Variants in CAMTA1 observed in about 807,000 individuals in gnomAD.
CAMTA1 encodes calmodulin-binding transcription activator 1.
In CAMTA1, 27 loss-of-function variants were observed where a neutral mutation model predicts 170.9. The ratio of observed to expected loss-of-function variants is 0.16; its 90% CI spans 0.12 to 0.22. CAMTA1 has a LOEUF of 0.22. CAMTA1 is among the 10% of genes least tolerant of loss of function. The pLI, the probability that CAMTA1 is intolerant of heterozygous loss-of-function variation, is 1.00. For synonymous variants in CAMTA1, 833 were observed against 891.5 expected, an observed-to-expected ratio of 0.93 and a Z score of 1.17; for missense variants, 1,619 against 2,217.2, an observed-to-expected ratio of 0.73 and a Z score of 5.42.
At chr1:6,838,383 T>A (rs909876269) in intron 3 of CAMTA1, among the ~76,000 whole-genome samples, 1 of 152,140 alleles carries the variant, frequency 6.6e-6, no homozygotes, top group Non-Finnish European at 1.5e-5. Context: ...GGGAATTCAC[T>A]CCTGTCTAAG....
At chr1:7,324,312 C>G (rs1177914713) in intron 5 of CAMTA1, among the ~76,000 whole-genome samples, 2 of 152,070 alleles carry the variant, frequency 1.3e-5, no homozygotes, top group African/African-American at 2.4e-5. Context: ...TTTGATCTCT[C>G]TCTTTCCATT....
At chr1:7,336,365 T>C (rs2083384697) in intron 5 of CAMTA1, among the ~76,000 whole-genome samples, 1 of 152,206 alleles carries the variant, frequency 6.6e-6, no homozygotes, top group African/African-American at 2.4e-5. Context: ...GATTCCTGGC[T>C]TGGAGGAGTC....
chr1:7,508,877 C>G (rs1270891300), intron 6 of CAMTA1, among the ~76,000 whole-genome samples: 2 of 152,222 alleles, frequency 1.3e-5, no homozygotes, highest in Non-Finnish European at 2.9e-5. Flanking sequence ...CAAACCTTCT[C>G]CCCCTCTTGA....
chr1:7,228,968 A>G (rs1056924212), intron 4 of CAMTA1, among the ~76,000 whole-genome samples: 4 of 152,138 alleles, frequency 2.6e-5, no homozygotes, highest in Non-Finnish European at 5.9e-5. Flanking sequence ...GGCTGAGCCC[A>G]GGGGGAGGGC....
In CAMTA1 at chr1:6,976,866, C is replaced by T. The variant is rs369384338; in HGVS notation, c.235-114438C>T. ...GTGGGAGGTAATAGAACCATGGGGA[C>T]GGGTCTTTCCCATGCTGTTCTCGTG... On this transcript the variant is annotated intron_variant, in intron 3 of 22. Coordinates refer to ENST00000303635, the MANE Select transcript of CAMTA1 (RefSeq NM_015215.4). Among the ~76,000 whole-genome samples the T allele has an allele frequency of 2.8e-4, 42 of 152,208 alleles. No individual in the cohort carries two copies. The South Asian group carries it at 5.8e-3, about 21-fold the overall frequency.
intron 5 of CAMTA1, among the ~76,000 whole-genome samples, chr1:7,411,301 C>T (rs188135523): frequency 2.0e-5 from 3 of 152,252 alleles, no homozygotes; most frequent in African/African-American, 7.2e-5. Context: ...CAGTTCTAGT[C>T]CCCGACTGAC....
rs1234640786 is a variant in CAMTA1 at position 7,041,488 on chromosome 1, G to A, written c.235-49816G>A. On this transcript the variant is annotated intron_variant, in intron 3 of 22. Coordinates refer to ENST00000303635, the MANE Select transcript of CAMTA1 (RefSeq NM_015215.4). This position sits in a 1 kb window ranked among gnomAD's most constrained non-coding sequence, Gnocchi z 5.1. ...TTAAGCTAGATTTATATCTGATTTT[G>A]CATTGAACTGTGTCGTTATGTGGGG... Among the ~76,000 whole-genome samples the A allele has an allele frequency of 1.3e-5, 2 of 152,222 alleles. No homozygotes were observed. The highest frequency in any genetic ancestry group is 6.5e-5 in the Admixed American group (1 of 15,284).
intron 5 of CAMTA1, among the ~76,000 whole-genome samples, chr1:7,261,244 G>A (rs921059192): frequency 9.9e-5 from 15 of 152,126 alleles, no homozygotes; most frequent in African/African-American, 3.4e-4. Context: ...TCGAGGATGC[G>A]TTTTTATTCC....
chr1:7,313,579 G>T (rs377123445), intron 5 of CAMTA1, among the ~76,000 whole-genome samples: 4 of 152,246 alleles, frequency 2.6e-5, no homozygotes, highest in African/African-American at 7.2e-5. Flanking sequence ...ATCAAACCTA[G>T]AATTGGTATT....
chr1:7,058,703 C>T (rs1360905200), intron 3 of CAMTA1, among the ~76,000 whole-genome samples: 1 of 152,146 alleles, frequency 6.6e-6, no homozygotes, highest in Non-Finnish European at 1.5e-5. Flanking sequence ...TGCCAAAGTT[C>T]TAGGGTCTGA....
intron 5 of CAMTA1, among the ~76,000 whole-genome samples, chr1:7,250,710 C>A (rs527631876): frequency 6.6e-5 from 10 of 152,250 alleles, no homozygotes; most frequent in Non-Finnish European, 1.0e-4. Context: ...TATGACCTCA[C>A]AGAGGGATGA....
chr1:7,579,209 T>C (rs925287891), intron 6 of CAMTA1, among the ~76,000 whole-genome samples: 2 of 152,224 alleles, frequency 1.3e-5, no homozygotes, highest in Non-Finnish European at 2.9e-5. Context: ...ACCCTCACAG[T>C]CCTCCTAGCC....
intron 5 of CAMTA1, among the ~76,000 whole-genome samples, chr1:7,359,709 T>C (rs1470695737): frequency 6.6e-6 from 1 of 152,144 alleles, no homozygotes; most frequent in African/African-American, 2.4e-5. Flanking sequence ...TCCTGAGAGC[T>C]GGCATGAGGG....
intron 3 of CAMTA1, among the ~76,000 whole-genome samples, chr1:6,983,202 A>G (rs1485775427): frequency 2.0e-5 from 3 of 152,166 alleles, no homozygotes; most frequent in African/African-American, 7.2e-5. Context: ...TGTGCGGGGA[A>G]CCTTACATTC....
chr1:7,216,439 G>A lies in CAMTA1; in HGVS notation c.303-33052G>A, dbSNP rs74465053. 3.2e-3 allele frequency among the ~76,000 whole-genome samples: 482 copies of A among 151,830 alleles called. 1 individual carries two copies. The highest frequency in any genetic ancestry group is 0.011 in the African/African-American group (441 of 41,442). On this transcript the variant is annotated intron_variant, in intron 4 of 22. Transcript: ENST00000303635. The surrounding 1 kb of genome is among the most constrained non-coding windows in gnomAD (Gnocchi z 4.0). ...ATCTGGTTTCTCTTGTACTGACAGCGGTGTGGTAAACACACTATTCTTAGT... is the reference window on the plus strand; with the variant it reads ...ATCTGGTTTCTCTTGTACTGACAGCAGTGTGGTAAACACACTATTCTTAGT...
chr1:6,868,131 T>TTTTTTTTTTTTTTTGAGACG (rs1667231410), intron 3 of CAMTA1, among the ~76,000 whole-genome samples: 1 of 151,982 alleles, frequency 6.6e-6, no homozygotes, highest in African/African-American at 2.4e-5. Context: ...TTTTAATTGT[T>TTTTTTTTTTTTTTTGAGACG]GAATATACTT....
At chr1:7,055,095 A>C (rs187459087) in intron 3 of CAMTA1, among the ~76,000 whole-genome samples, 1 of 152,144 alleles carries the variant, frequency 6.6e-6, no homozygotes, top group East Asian at 1.9e-4. Context: ...ATTCACGAGA[A>C]CCCTACCCCC....
At chr1:7,284,570 T>C (rs1279087385) in intron 5 of CAMTA1, among the ~76,000 whole-genome samples, 2 of 152,208 alleles carry the variant, frequency 1.3e-5, no homozygotes, top group African/African-American at 4.8e-5. Flanking sequence ...TGGGTTAATA[T>C]GGGCAGAATG....
intron 5 of CAMTA1, among the ~76,000 whole-genome samples, chr1:7,458,581 G>A (rs1725236): frequency 0.2 from 29,786 of 152,176 alleles, 3,217 homozygotes; most frequent in African/African-American, 0.27. Flanking sequence ...GCCCAGAGGA[G>A]TCCCCCAAGA....
Sources: allele counts gnomAD v4.1 joint callset (sites outside exome capture counted in the v4.1 genomes callset), GRCh38; gene constraint gnomAD v4.1.1; non-coding constraint Gnocchi (gnomAD v3.1); transcripts MANE v1.5; gene names NCBI Gene and HGNC (gene_info 2026-07-23, HGNC 2026-07-21).